TRIO: variants seen among roughly 807,000 people sequenced by gnomAD.
TRIO encodes trio Rho guanine nucleotide exchange factor.
A neutral mutation model predicts 351.9 loss-of-function variants in TRIO; 58 were observed. That is an observed-to-expected ratio of 0.16 (90% CI 0.13 to 0.21). The LOEUF is 0.21. Ranked by LOEUF, TRIO falls within the 10% of genes least tolerant of loss-of-function variation. The pLI is 1.00. For missense variants in TRIO, 3,201 were observed against 4,027.8 expected (o/e 0.79, Z 5.56); for synonymous variants, 1,758 against 1,595.7 (o/e 1.10, Z -2.42).
At chr5:14,259,795 T>TTC (rs1353918903) in intron 1 of TRIO, among the ~76,000 whole-genome samples, 1 of 151,970 alleles carries the variant, frequency 6.6e-6, no homozygotes, top group Non-Finnish European at 1.5e-5. Context: ...TTTTGTTTTT[T>TTC]TTTTGAGTTG....
chr5:14,390,513 A>G (rs1322276422), intron 26 of TRIO: 1 of 588,034 alleles, frequency 1.7e-6, no homozygotes, highest in East Asian at 2.9e-5. Flanking sequence ...TTGAAATAGA[A>G]TATTTAGTGT....
At chr5:14,152,819 C>T (rs962135647) in intron 1 of TRIO, among the ~76,000 whole-genome samples, 2 of 152,238 alleles carry the variant, frequency 1.3e-5, no homozygotes, top group South Asian at 4.1e-4. Flanking sequence ...ATCAGTGCAT[C>T]CTGATGGGTT....
chr5:14,369,464 A>T lies in TRIO; in HGVS notation c.3157A>T (p.Thr1053Ser). 2 of 1,614,098 alleles carry T rather than the reference A, an allele frequency of 1.2e-6. No individual in the cohort carries two copies. The highest frequency in any genetic ancestry group is 1.7e-6 in the Non-Finnish European group (2 of 1,180,014). ...GGATAAGCTGGGCCCAAACTCTGAG[A>T]CGGACCACGTGACGCCCATGATCAG... is the stretch of plus-strand genomic sequence containing the variant. Reference protein sequence around the residue: ...GADKLGPNSETDHVTPMISKH... With the variant: ...GADKLGPNSESDHVTPMISKH... Residue 1053 changes from threonine (T) to serine (S), a missense_variant, in exon 18 of 57, where the codon ACG becomes TCG. Coordinates refer to ENST00000344204, the MANE Select transcript of TRIO (RefSeq NM_007118.4).
intron 13 of TRIO, 80 bp from the exon 14 acceptor site, chr5:14,363,652 C>T: frequency 7.2e-7 from 1 of 1,383,228 alleles, no homozygotes; most frequent in South Asian, 1.3e-5. Flanking sequence ...AGAGACATCT[C>T]TTCCTTCCTT....
At chr5:14,198,453 C>G in intron 1 of TRIO, among the ~76,000 whole-genome samples, 1 of 152,126 alleles carries the variant, frequency 6.6e-6, no homozygotes. Flanking sequence ...CTGGTCCAAC[C>G]TTTTCATTTA....
At chr5:14,261,756 C>T (rs1795357609) in intron 1 of TRIO, among the ~76,000 whole-genome samples, 1 of 152,162 alleles carries the variant, frequency 6.6e-6, no homozygotes, top group Non-Finnish European at 1.5e-5. Flanking sequence ...AGCAGAGTCT[C>T]CTCTTTCCAT....
At position 14,412,859 on chromosome 5, in the gene TRIO, T is replaced by G. The variant is rs564302864; in HGVS notation, c.4959+6187T>G. On this transcript the variant is annotated intron_variant, in intron 33 of 56. Coordinates refer to ENST00000344204, the MANE Select transcript of TRIO (RefSeq NM_007118.4). Reference sequence around the variant, plus strand: ...AAGAGCAGGCAATCAAAAGCGAGGATGTACCCACCAGCAAACCTCTGGCCT... The same window carrying G: ...AAGAGCAGGCAATCAAAAGCGAGGAGGTACCCACCAGCAAACCTCTGGCCT... Among the ~76,000 whole-genome samples, 48 of 152,314 alleles carry G rather than the reference T, an allele frequency of 3.2e-4. No individual in the cohort carries two copies. In the South Asian group the frequency reaches 9.3e-3, roughly 30 times the overall value.
chr5:14,363,815 G>A lies in TRIO; in HGVS notation c.2475G>A (p.Glu825=), dbSNP rs1744363667. 6.2e-7 allele frequency: 1 copy of A among 1,614,176 alleles called. No individual in the cohort carries two copies. The highest frequency in any genetic ancestry group is 8.5e-7 in the Non-Finnish European group (1 of 1,180,032). ...DFDTEDLTIA[E]QRLQHHADKA... is the part of the protein sequence containing the mutation. ...ACACAGAAGATCTCACGATTGCAGA[G>A]CAGCGCCTCCAGCACCATGCAGACA... is the stretch of plus-strand genomic sequence containing the variant. Residue 825 remains glutamate (E), a synonymous_variant, in exon 14 of 57, where the codon GAG becomes GAA. Transcript: ENST00000344204.
At chr5:14,424,405 G>T (rs981189419) in intron 34 of TRIO, among the ~76,000 whole-genome samples, 1 of 152,074 alleles carries the variant, frequency 6.6e-6, no homozygotes, top group African/African-American at 2.4e-5. Context: ...TTCTCCTTTG[G>T]ATAGAGAAAA....
chr5:14,199,862 A>G, intron 1 of TRIO, among the ~76,000 whole-genome samples: 1 of 152,172 alleles, frequency 6.6e-6, no homozygotes, highest in East Asian at 1.9e-4. Context: ...CTATTCCAAG[A>G]CAGGGAGTTG....
chr5:14,394,070 C>T lies in TRIO; in HGVS notation c.4251C>T (p.Ser1417=). The change falls in exon 28 of 57, where the codon TCC becomes TCT. Residue 1417 remains serine (S), a synonymous_variant. Coordinates refer to ENST00000344204, the MANE Select transcript of TRIO (RefSeq NM_007118.4). ...AGCAGCGACATGGATTAGCCAATTCCATTTCTTCCTACCTTATTAAACCAG... is the reference window on the plus strand; with the variant it reads ...AGCAGCGACATGGATTAGCCAATTCTATTTCTTCCTACCTTATTAAACCAG... ...EIQQRHGLAN[S]ISSYLIKPVQ... 1.9e-6 allele frequency: 3 copies of T among 1,613,304 alleles called. No homozygotes were observed. The highest frequency in any genetic ancestry group is 2.5e-6 in the Non-Finnish European group (3 of 1,179,616).
chr5:14,168,971 C>G (rs1383600547), intron 1 of TRIO, among the ~76,000 whole-genome samples: 1 of 152,222 alleles, frequency 6.6e-6, no homozygotes, highest in African/African-American at 2.4e-5. Flanking sequence ...GCCTTGCCGA[C>G]TGTCCTACCT....
intron 54 of TRIO, 78 bp downstream of exon 54, chr5:14,502,735 T>C (rs560352163): frequency 1.0e-5 from 14 of 1,381,798 alleles, no homozygotes; most frequent in African/African-American, 8.5e-5. Context: ...GGGATAAAGC[T>C]AAGCAGTGTT....
intron 14 of TRIO, among the ~76,000 whole-genome samples, 188 bp from the exon 15 acceptor site, chr5:14,364,456 GGGATGT>G (rs1744423290): frequency 6.6e-6 from 1 of 152,218 alleles, no homozygotes; most frequent in African/African-American, 2.4e-5. Context: ...AGAAATGGAT[GGGATGT>G]GGATGTGGAT....
At chr5:14,404,918 G>A (rs974127556) in intron 31 of TRIO, among the ~76,000 whole-genome samples, 4 of 152,064 alleles carry the variant, frequency 2.6e-5, no homozygotes, top group East Asian at 1.9e-4. Flanking sequence ...AATGCTGGGC[G>A]CTCCCCACTT....
chr5:14,414,863 G>A (rs1204191631), intron 33 of TRIO, among the ~76,000 whole-genome samples: 5 of 152,222 alleles, frequency 3.3e-5, no homozygotes, highest in Non-Finnish European at 7.3e-5. Flanking sequence ...TGATCAGCCC[G>A]AGTCTCCGTG....
intron 49 of TRIO, 97 bp from the exon 50 acceptor site, chr5:14,496,782 A>C (rs550022969): frequency 4.0e-6 from 6 of 1,509,664 alleles, no homozygotes; most frequent in Non-Finnish European, 5.4e-6. Context: ...CCCTGCACAC[A>C]CATACGTTGA....
At chr5:14,433,032 G>C (rs1333839130) in intron 34 of TRIO, among the ~76,000 whole-genome samples, 1 of 152,098 alleles carries the variant, frequency 6.6e-6, no homozygotes, top group Non-Finnish European at 1.5e-5. Context: ...TTACTTTTTT[G>C]AGAAACACGA....
chr5:14,267,804 T>G (rs928342886), intron 1 of TRIO, among the ~76,000 whole-genome samples: 14 of 152,178 alleles, frequency 9.2e-5, no homozygotes, highest in African/African-American at 3.4e-4. Context: ...AAATAATACC[T>G]AAGTGACCAG....
Sources: allele counts gnomAD v4.1 joint callset (sites outside exome capture counted in the v4.1 genomes callset), GRCh38; gene constraint gnomAD v4.1.1; transcripts MANE v1.5; gene names NCBI Gene and HGNC (gene_info 2026-07-23, HGNC 2026-07-21).